Variants in DMXL2 observed in about 807,000 individuals in gnomAD.
The protein encoded by DMXL2 is dmX-like protein 2.
In DMXL2, 103 loss-of-function variants were observed where a neutral mutation model predicts 331.1. The observed-to-expected ratio is 0.31, with a 90% CI of 0.27 to 0.37. DMXL2 has a LOEUF of 0.37. Among genes scored for constraint, DMXL2 ranks in the 10% least tolerant of loss-of-function variants. The probability of loss-of-function intolerance (pLI) is 1.00; values close to 1 mark genes in which losing one functional copy is unlikely to be tolerated. For synonymous variants in DMXL2, 1,281 were observed against 1,252.1 expected, an observed-to-expected ratio of 1.02 and a Z score of -0.49; for missense variants, 3,171 against 3,642.9, an observed-to-expected ratio of 0.87 and a Z score of 3.33.
At chr15:51,602,997 A>C (rs928217272) in intron 1 of DMXL2, among the ~76,000 whole-genome samples, 4 of 152,244 alleles carry the variant, frequency 2.6e-5, no homozygotes, top group Non-Finnish European at 2.9e-5. Context: ...AAAGATGTTA[A>C]AATGGCTAGT....
intron 20 of DMXL2, 102 bp from the exon 21 acceptor site, chr15:51,488,747 T>C (rs2042581789): frequency 2.0e-6 from 2 of 1,005,626 alleles, no homozygotes. Context: ...TGATAGAAAC[T>C]GTGGAGACAG....
At chr15:51,564,680 A>G (rs1184372131) in intron 4 of DMXL2, among the ~76,000 whole-genome samples, 1 of 152,158 alleles carries the variant, frequency 6.6e-6, no homozygotes, top group Non-Finnish European at 1.5e-5. Flanking sequence ...TGTGAATATA[A>G]AAAGGGACAA....
intron 6 of DMXL2, among the ~76,000 whole-genome samples, chr15:51,554,448 A>G (rs948831776): frequency 6.6e-6 from 1 of 152,246 alleles, no homozygotes; most frequent in Non-Finnish European, 1.5e-5. Context: ...TAAAATTAAA[A>G]AGGAAAAAAA....
chr15:51,502,746 A>G (rs1596032101), intron 17 of DMXL2, 60 bp downstream of exon 17: 16 of 1,103,210 alleles, frequency 1.5e-5, no homozygotes, highest in East Asian at 7.1e-5. Flanking sequence ...TTTATCCACT[A>G]AAGAGTTCAT....
chr15:51,490,814 T>G (rs970643826), intron 20 of DMXL2, among the ~76,000 whole-genome samples: 1 of 152,118 alleles, frequency 6.6e-6, no homozygotes, highest in African/African-American at 2.4e-5. Flanking sequence ...GCCACAGATA[T>G]GTTCTTCAAG....
intron 15 of DMXL2, among the ~76,000 whole-genome samples, chr15:51,510,207 G>A (rs1397174880): frequency 6.6e-6 from 1 of 152,150 alleles, no homozygotes; most frequent in Non-Finnish European, 1.5e-5. Context: ...TTCTGGCCAG[G>A]GCAATCAGGC....
chr15:51,454,572 C>A (rs2039449333), intron 40 of DMXL2, among the ~76,000 whole-genome samples: 1 of 152,164 alleles, frequency 6.6e-6, no homozygotes, highest in Admixed American at 6.5e-5. Context: ...TCTCAGCTCA[C>A]TGCAACCTCC....
At chr15:51,494,464 C>T (rs2140455057) in intron 19 of DMXL2, among the ~76,000 whole-genome samples, 1 of 152,258 alleles carries the variant, frequency 6.6e-6, no homozygotes, top group African/African-American at 2.4e-5. Flanking sequence ...GTATCCTGGG[C>T]AGGTCACTTT....
intron 13 of DMXL2, among the ~76,000 whole-genome samples, chr15:51,526,538 T>G (rs926409665): frequency 4.6e-5 from 7 of 152,132 alleles, no homozygotes; most frequent in Non-Finnish European, 1.0e-4. Context: ...AAACATGACC[T>G]CACCAAATCA....
intron 1 of DMXL2, among the ~76,000 whole-genome samples, chr15:51,607,164 A>G (rs1240185674): frequency 7.0e-6 from 1 of 142,658 alleles, no homozygotes; most frequent in African/African-American, 2.5e-5. Flanking sequence ...TGCCCCCACC[A>G]AAAAAAAAAA....
chr15:51,482,643 C>A (rs2042097973), intron 23 of DMXL2, among the ~76,000 whole-genome samples: 1 of 152,122 alleles, frequency 6.6e-6, no homozygotes, highest in South Asian at 2.1e-4. Context: ...ATTTCCAGGT[C>A]TGGGGCAGGA....
At chr15:51,615,925 G>A (rs913884563) in intron 1 of DMXL2, among the ~76,000 whole-genome samples, 2 of 152,164 alleles carry the variant, frequency 1.3e-5, no homozygotes, top group African/African-American at 4.8e-5. Context: ...GTCCATCTAT[G>A]CTTACTTGCA....
Position 51,451,609 on chromosome 15 carries a change from A to C in DMXL2, c.8749+36T>G, listed in dbSNP as rs370463400. On this transcript the variant is annotated intron_variant, in intron 42 of 43. Coordinates refer to ENST00000560891, the MANE Select transcript of DMXL2 (RefSeq NM_001378457.1). Reference sequence around the variant, plus strand: ...TTCCTTCATGGTGTATTATTCCTTCATGGTATATTTTTAAAAATCATAGAC... The same window carrying C: ...TTCCTTCATGGTGTATTATTCCTTCCTGGTATATTTTTAAAAATCATAGAC... The C allele has an allele frequency of 2.1e-4, 315 of 1,524,532 alleles. 1 individual carries two copies. The highest frequency in any genetic ancestry group is 5.2e-4 in the Admixed American group (30 of 58,108). 94.4% of individuals were successfully genotyped at this position (1,524,532 alleles called of 1,614,324 possible).
At chr15:51,569,309 A>C (rs1187854309) in intron 2 of DMXL2, among the ~76,000 whole-genome samples, 4 of 152,188 alleles carry the variant, frequency 2.6e-5, no homozygotes, top group Non-Finnish European at 4.4e-5. Flanking sequence ...CTCACAGTGT[A>C]AACAAAGCTG....
chr15:51,508,512 C>T (rs1469451166), intron 15 of DMXL2, among the ~76,000 whole-genome samples: 1 of 152,138 alleles, frequency 6.6e-6, no homozygotes, highest in Non-Finnish European at 1.5e-5. Context: ...ACTATGTAAG[C>T]ATTTAAAAAA....
chr15:51,606,210 G>A (rs549535782), intron 1 of DMXL2, among the ~76,000 whole-genome samples: 3 of 152,264 alleles, frequency 2.0e-5, no homozygotes, highest in Middle Eastern at 3.4e-3. Context: ...GTGTGTGTGT[G>A]GGGGTGTGGA....
At chr15:51,593,695 C>A (rs1477883573) in intron 1 of DMXL2, among the ~76,000 whole-genome samples, 1 of 152,186 alleles carries the variant, frequency 6.6e-6, no homozygotes, top group South Asian at 2.1e-4. Context: ...TGGAAAAGAA[C>A]AGAAATTATA....
At chr15:51,494,582 T>C (rs1198011663) in intron 19 of DMXL2, among the ~76,000 whole-genome samples, 1 of 152,190 alleles carries the variant, frequency 6.6e-6, no homozygotes, top group Non-Finnish European at 1.5e-5. Flanking sequence ...TCCACTGTTA[T>C]CAATATGGCA....
chr15:51,515,941 G>A (rs1303176518), intron 14 of DMXL2, among the ~76,000 whole-genome samples: 1 of 152,092 alleles, frequency 6.6e-6, no homozygotes, highest in Non-Finnish European at 1.5e-5. Context: ...GGGGCACTGG[G>A]GATTAAAAAG....
Sources: allele counts gnomAD v4.1 joint callset (sites outside exome capture counted in the v4.1 genomes callset), GRCh38; gene constraint gnomAD v4.1.1; transcripts MANE v1.5; gene names NCBI Gene and HGNC (gene_info 2026-07-23, HGNC 2026-07-21).